The following RTTN variants were observed in gnomAD, a reference collection of about 807,000 sequenced individuals.
The protein encoded by RTTN is rotatin.
Under a neutral mutation model 269.2 loss-of-function variants are expected in RTTN, and 182 were observed. The observed-to-expected ratio is 0.68, with a 90% CI of 0.60 to 0.76. The LOEUF is 0.76. RTTN is among the 30% of genes least tolerant of loss of function. The pLI, the probability that RTTN is intolerant of heterozygous loss-of-function variation, is 0.00. For missense variants in RTTN, 2,545 were observed against 2,608.6 expected (o/e 0.98, Z 0.53); for synonymous variants, 1,006 against 963.5 (o/e 1.04, Z -0.82).
chr18:70,149,142 T>C, intron 16 of RTTN, 105 bp from the exon 17 acceptor site: 2 of 888,066 alleles, frequency 2.3e-6, no homozygotes, highest in Non-Finnish European at 3.4e-6. Flanking sequence ...ATAAATGTCT[T>C]TGGATTCAGT....
intron 1 of RTTN, 140 bp downstream of exon 1, chr18:70,205,488 C>T: frequency 7.5e-7 from 1 of 1,340,572 alleles, no homozygotes; most frequent in Non-Finnish European, 1.1e-6. Flanking sequence ...GAGATGGGTC[C>T]CCGGGGGCTA....
intron 4 of RTTN, 31 bp downstream of exon 4, chr18:70,201,863 C>A: frequency 2.2e-6 from 3 of 1,371,106 alleles, no homozygotes; most frequent in South Asian, 2.5e-5. Flanking sequence ...CTTCCCAAGT[C>A]AACAGGATTT....
In RTTN at chr18:70,150,741, A is replaced by G. The variant is rs761355175; in HGVS notation, c.1930-8T>C. ...ATGGACACCTAAACATTCCTGTAAA[A>G]TAATATTAAAAAGTATTTTTAAATT... On this transcript the variant is annotated splice_region_variant and splice_polypyrimidine_tract_variant and intron_variant, in intron 14 of 48. Transcript: ENST00000640769. 6.4e-7 allele frequency: 1 copy of G among 1,561,752 alleles called. No individual in the cohort carries two copies. The highest frequency in any genetic ancestry group is 1.2e-5 in the South Asian group (1 of 83,336).
rs1013866746 is a variant in RTTN, at chr18:70,135,198, C to A, written c.2871G>T (p.Ser957=). ...LFCLLLFDEV[S]RMDMWSVNPS... is the part of the protein sequence containing the mutation. ...TTATATCTCACCACATATCCATTCTCGATACTTCATCAAATAATAGAAGAC... is the reference window on the plus strand; with the variant it reads ...TTATATCTCACCACATATCCATTCTAGATACTTCATCAAATAATAGAAGAC... The change falls in exon 22 of 49, where the codon TCG becomes TCT. Residue 957 remains serine (S), a synonymous_variant. Transcript: ENST00000640769. 1 of 1,531,846 alleles carries A rather than the reference C, an allele frequency of 6.5e-7. No homozygotes were observed. Among genetic ancestry groups the A allele is most frequent in the Non-Finnish European group, 8.8e-7 (1 of 1,141,502 alleles). The allele number at this position is 1,531,846 out of a possible 1,614,324, so 94.9% of individuals were successfully genotyped here.
chr18:70,112,883 C>T (rs909893338), intron 27 of RTTN, among the ~76,000 whole-genome samples: 2 of 152,144 alleles, frequency 1.3e-5, no homozygotes, highest in African/African-American at 2.4e-5. Flanking sequence ...AGCACTTCAT[C>T]GCACTTATTC....
chr18:70,022,471 A>C (rs2056734339), intron 44 of RTTN, among the ~76,000 whole-genome samples: 1 of 152,172 alleles, frequency 6.6e-6, no homozygotes, highest in Non-Finnish European at 1.5e-5. Flanking sequence ...AACATGCCTT[A>C]AAAACATACA....
chr18:70,162,247 A>AT (rs1275473728), intron 14 of RTTN, among the ~76,000 whole-genome samples: 5 of 152,212 alleles, frequency 3.3e-5, no homozygotes, highest in African/African-American at 1.2e-4. Context: ...TCCTAAGTGA[A>AT]TTAACACAGA....
At chr18:70,045,030 A>G (rs1041955831) in intron 40 of RTTN, among the ~76,000 whole-genome samples, 1 of 152,254 alleles carries the variant, frequency 6.6e-6, no homozygotes, top group African/African-American at 2.4e-5. Context: ...AAATGTGTTC[A>G]GTATTTTATG....
intron 25 of RTTN, among the ~76,000 whole-genome samples, chr18:70,126,384 G>T (rs1050427653): frequency 2.0e-5 from 3 of 152,056 alleles, no homozygotes; most frequent in Non-Finnish European, 4.4e-5. Flanking sequence ...TTAAATGCGG[G>T]AGTGTGCTGA....
intron 30 of RTTN, 91 bp from the exon 31 acceptor site, chr18:70,088,238 T>G (rs2058753728): frequency 2.5e-6 from 3 of 1,197,728 alleles, no homozygotes; most frequent in Admixed American, 2.6e-5. Flanking sequence ...TATCACACTT[T>G]AAAAAAATCC....
At chr18:70,112,062 A>C (rs971554441) in intron 27 of RTTN, among the ~76,000 whole-genome samples, 1 of 152,196 alleles carries the variant, frequency 6.6e-6, no homozygotes, top group Non-Finnish European at 1.5e-5. Context: ...ACTAAGCTTC[A>C]TAAGCAAAGG....
chr18:70,065,871 T>C lies in RTTN; in HGVS notation c.4705A>G (p.Thr1569Ala), dbSNP rs779208143. ...TCATGGGAGGCTTCAGGTAGAAGTG[T>C]TGTTGACTGCACAAGTGGCTGAAAT... is the stretch of plus-strand genomic sequence containing the variant. ...TEFQPLVQST[T>A]LLPEASHDQF... Residue 1569 changes from threonine to alanine, a missense_variant, in exon 35 of 49, where the codon ACA (threonine) becomes GCA (alanine). Thr to Ala is a moderately conservative substitution (Grantham distance 58). Transcript: ENST00000640769. 6 of 1,602,262 alleles carry C rather than the reference T, an allele frequency of 3.7e-6. No homozygotes were observed. The Admixed American group carries it at 5.1e-5, about 14-fold the overall frequency.
chr18:70,049,358 G>GA (rs1321057446), intron 39 of RTTN, among the ~76,000 whole-genome samples: 1 of 152,060 alleles, frequency 6.6e-6, no homozygotes, highest in African/African-American at 2.4e-5. Flanking sequence ...AATACAAGAA[G>GA]AAAATCCCAA....
chr18:70,121,427 C>T, intron 26 of RTTN, 129 bp downstream of exon 26: 1 of 710,394 alleles, frequency 1.4e-6, no homozygotes, highest in East Asian at 3.1e-5. Context: ...ATGAGCCATT[C>T]ATTACATGAA....
At chr18:70,153,415 G>A (rs929448860) in intron 14 of RTTN, among the ~76,000 whole-genome samples, 1 of 151,832 alleles carries the variant, frequency 6.6e-6, no homozygotes, top group Non-Finnish European at 1.5e-5. Context: ...GCTCTTTTCT[G>A]TACTTTATAT....
At chr18:70,075,326 TAAA>T in intron 33 of RTTN, 23 bp downstream of exon 33, 1 of 1,454,646 alleles carries the variant, frequency 6.9e-7, no homozygotes, top group Non-Finnish European at 9.2e-7. Context: ...ATTACAAAAA[TAAA>T]AATACAAAGA....
At chr18:70,146,117 T>C (rs1442093514) in intron 17 of RTTN, among the ~76,000 whole-genome samples, 3 of 152,114 alleles carry the variant, frequency 2.0e-5, no homozygotes, top group African/African-American at 7.2e-5. Flanking sequence ...AGTGAACTAT[T>C]CTCCACCATA....
intron 3 of RTTN, among the ~76,000 whole-genome samples, chr18:70,202,788 G>A (rs2061984865): frequency 6.6e-6 from 1 of 152,132 alleles, no homozygotes; most frequent in South Asian, 2.1e-4. Context: ...TAACATCTCA[G>A]TCAAAAGGCT....
chr18:70,183,787 C>A (rs2061471943), intron 10 of RTTN, among the ~76,000 whole-genome samples: 1 of 152,078 alleles, frequency 6.6e-6, no homozygotes, highest in Non-Finnish European at 1.5e-5. Context: ...CCCATTCTAG[C>A]AAAATTTTTT....
Sources: allele counts gnomAD v4.1 joint callset (sites outside exome capture counted in the v4.1 genomes callset), GRCh38; gene constraint gnomAD v4.1.1; transcripts MANE v1.5; gene names NCBI Gene and HGNC (gene_info 2026-07-23, HGNC 2026-07-21).